Variants in CLPTM1L observed in about 807,000 individuals in gnomAD.
CLPTM1L encodes the protein lipid scramblase CLPTM1L.
A neutral mutation model predicts 70.9 loss-of-function variants in CLPTM1L; 38 were observed. That is an observed-to-expected ratio of 0.54 (90% CI 0.41 to 0.70). The LOEUF (loss-of-function observed/expected upper bound fraction) is 0.70. Ranked by LOEUF, CLPTM1L falls within the 30% of genes least tolerant of loss-of-function variation. The probability of loss-of-function intolerance (pLI) is 0.00; values close to 1 mark genes in which losing one functional copy is unlikely to be tolerated. For missense variants in CLPTM1L, 652 were observed against 705.9 expected (o/e 0.92, Z 0.87); for synonymous variants, 339 against 299.9 (o/e 1.13, Z -1.35).
chr5:1,326,007 A>G (rs58414558), intron 9 of CLPTM1L, 191 bp from the exon 10 acceptor site: 23,539 of 577,454 alleles, frequency 0.041, 2,054 homozygotes, highest in African/African-American at 0.27. Context: ...CACACACGGC[A>G]GGCGTACCTG....
chr5:1,324,041 C>T (rs146685033), intron 11 of CLPTM1L, 172 bp from the exon 12 acceptor site: 92 of 612,380 alleles, frequency 1.5e-4, no homozygotes, highest in Non-Finnish European at 2.4e-4. Flanking sequence ...ATCGCACACT[C>T]GCCACAGCCC....
At chr5:1,324,143 C>A (rs1752359850) in intron 11 of CLPTM1L, 3 of 482,590 alleles carry the variant, frequency 6.2e-6, no homozygotes, top group Non-Finnish European at 1.1e-5. Flanking sequence ...ACCAACCAAC[C>A]CACAACAGAT....
intron 7 of CLPTM1L, among the ~76,000 whole-genome samples, chr5:1,333,743 G>A (rs1753347133): frequency 8.1e-6 from 1 of 123,388 alleles, no homozygotes; most frequent in African/African-American, 2.9e-5. Context: ...ATGAGGATAA[G>A]GGGGGACTAC....
At chr5:1,323,027 C>G in intron 12 of CLPTM1L, 116 bp from the exon 13 acceptor site, 1 of 969,572 alleles carries the variant, frequency 1.0e-6, no homozygotes, top group South Asian at 1.4e-5. Flanking sequence ...GATGCTCTCA[C>G]GGCAGCTCGG....
chr5:1,337,173 T>C (rs1753625883), intron 5 of CLPTM1L, among the ~76,000 whole-genome samples: 2 of 152,124 alleles, frequency 1.3e-5, no homozygotes, highest in Admixed American at 6.6e-5. Flanking sequence ...AATAACCTCA[T>C]CCGTGAAACA....
Position 1,342,039 on chromosome 5 carries a change from T to TGTGTGTGTGTGTGTGTGCGC in CLPTM1L, c.264-180_264-179insGCGCACACACACACACACAC, listed in dbSNP as rs3222913. On this transcript the variant is annotated intron_variant, in intron 2 of 16. Transcript: ENST00000320895. The surrounding 1 kb of genome is among the most constrained non-coding windows in gnomAD (Gnocchi z 4.3). The stretch of plus-strand genomic sequence containing the variant: ...GTGTGTGTGTGTGTGTGTGTGTGTG[T>TGTGTGTGTGTGTGTGTGCGC]GCACGCGCACGCGTGCGCGTCCTGA... 5.4e-5 allele frequency among the ~76,000 whole-genome samples: 8 copies of TGTGTGTGTGTGTGTGTGCGC among 148,974 alleles called. No homozygotes were observed. The highest frequency in any genetic ancestry group is 2.0e-4 in the African/African-American group (8 of 39,662).
intron 16 of CLPTM1L, among the ~76,000 whole-genome samples, chr5:1,319,415 A>G (rs1301471337): frequency 6.6e-6 from 1 of 151,910 alleles, no homozygotes; most frequent in African/African-American, 2.4e-5. Context: ...GCCATGAGCC[A>G]CTGTGTGGAT....
chr5:1,338,297 C>G, intron 4 of CLPTM1L: 1 of 416,684 alleles, frequency 2.4e-6, no homozygotes, highest in Non-Finnish European at 4.4e-6. Flanking sequence ...CGCACTGACA[C>G]GGAGCAATCC....
In CLPTM1L at chr5:1,333,184, C is replaced by A. The variant is rs1404983004; in HGVS notation, c.891+1105G>T. Among the ~76,000 whole-genome samples, 155 of 63,158 alleles carry A rather than the reference C, an allele frequency of 2.5e-3. 1 individual carries two copies. Among genetic ancestry groups the A allele is most frequent in the Non-Finnish European group, 3.5e-3 (125 of 35,730 alleles). The allele number at this position is 63,158 out of a possible 152,430, so 41.4% of individuals were successfully genotyped here. The stretch of plus-strand genomic sequence containing the variant: ...GGATAAGGGGGGACTACTGTATACA[C>A]ACCGGATGAGGATAAGGGGGGACTA... On this transcript the variant is annotated intron_variant, in intron 7 of 16. Coordinates refer to ENST00000320895, the MANE Select transcript of CLPTM1L (RefSeq NM_030782.5).
rs1021924326 is a variant in CLPTM1L at position 1,318,516 on chromosome 5, G to A, written c.1533-63C>T. ...TGCAGGGGCTATTTTTCTAAGAGGA[G>A]GACTTGGCATCCTCGATTTATTTTC... On this transcript the variant is annotated intron_variant, in intron 16 of 16. Transcript: ENST00000320895. The surrounding 1 kb of genome is among the most constrained non-coding windows in gnomAD (Gnocchi z 8.9). 3.4e-5 allele frequency: 45 copies of A among 1,320,200 alleles called. No homozygotes were observed. Among genetic ancestry groups the A allele is most frequent in the Non-Finnish European group, 4.9e-5 (45 of 922,116 alleles). 81.8% of individuals were successfully genotyped at this position (1,320,200 alleles called of 1,614,324 possible).
intron 6 of CLPTM1L, 119 bp downstream of exon 6, chr5:1,334,938 C>A: frequency 1.5e-6 from 1 of 669,002 alleles, no homozygotes; most frequent in Non-Finnish European, 2.7e-6. Flanking sequence ...GATTCAACGT[C>A]TGTGCAAGGA....
chr5:1,339,090 G>A, intron 3 of CLPTM1L, 85 bp from the exon 4 acceptor site: 1 of 1,474,790 alleles, frequency 6.8e-7, no homozygotes, highest in Non-Finnish European at 9.1e-7. Flanking sequence ...CCTGCGAACA[G>A]AACGGCCACA....
Position 1,330,384 on chromosome 5 carries a change from C to T in CLPTM1L, c.977-1G>A. ...ACGGTGCTGAAGCAGCGCCAGAGCA[C>T]TGGGGACAGGATGGTCGGGCTGGGA... On this transcript the variant is annotated splice_acceptor_variant, in intron 8 of 16. Transcript: ENST00000320895. LOFTEE classifies it high-confidence loss of function. 1 of 1,612,626 alleles carries T rather than the reference C, an allele frequency of 6.2e-7. No individual in the cohort carries two copies. The highest frequency in any genetic ancestry group is 8.5e-7 in the Non-Finnish European group (1 of 1,179,786).
intron 12 of CLPTM1L, among the ~76,000 whole-genome samples, chr5:1,323,217 G>C (rs866903681): frequency 1.4e-5 from 2 of 145,336 alleles, no homozygotes; most frequent in Non-Finnish European, 3.0e-5. Flanking sequence ...CACCCTGCCC[G>C]GGCAGCAGAG....
chr5:1,334,125 C>G (rs796264421), intron 7 of CLPTM1L, among the ~76,000 whole-genome samples, 164 bp downstream of exon 7: 8 of 152,272 alleles, frequency 5.3e-5, no homozygotes, highest in African/African-American at 1.9e-4. Flanking sequence ...GGACAATGGT[C>G]GCCTGGTGTC....
intron 15 of CLPTM1L, among the ~76,000 whole-genome samples, chr5:1,321,195 C>T (rs1049170935): frequency 2.0e-5 from 3 of 152,258 alleles, no homozygotes; most frequent in African/African-American, 7.2e-5. Context: ...TCAGCTCCGC[C>T]TGCAATGCCG....
In CLPTM1L at chr5:1,344,464, G is replaced by A. The variant is rs775861218; in HGVS notation, c.163-13C>T. On this transcript the variant is annotated splice_polypyrimidine_tract_variant and intron_variant, in intron 1 of 16. Coordinates refer to ENST00000320895, the MANE Select transcript of CLPTM1L (RefSeq NM_030782.5). Reference sequence around the variant, plus strand: ...TGTACACGCTCAGCTGGAAAGGAGGGGGCGTCGAGAGTCAGCTCGGCCAGG... The same window carrying A: ...TGTACACGCTCAGCTGGAAAGGAGGAGGCGTCGAGAGTCAGCTCGGCCAGG... 4.3e-6 allele frequency: 7 copies of A among 1,609,476 alleles called. No homozygotes were observed. In the African/African-American group the frequency reaches 9.4e-5, roughly 22 times the overall value.
Position 1,318,356 on chromosome 5 carries a change from G to C in CLPTM1L, c.*13C>G. On this transcript the variant is annotated 3_prime_UTR_variant, in exon 17 of 17. Coordinates refer to ENST00000320895, the MANE Select transcript of CLPTM1L (RefSeq NM_030782.5). The surrounding 1 kb of genome is among the most constrained non-coding windows in gnomAD (Gnocchi z 8.9). ...TTCAAGTTGCACTTGGCTGGCGGCA[G>C]CCCGGGCGGCCTTCAGTCCGTGTGG... 1 of 1,610,384 alleles carries C rather than the reference G, an allele frequency of 6.2e-7. No homozygotes were observed. The highest frequency in any genetic ancestry group is 8.5e-7 in the Non-Finnish European group (1 of 1,177,374).
At chr5:1,326,035 G>C in intron 9 of CLPTM1L, 2 of 555,740 alleles carry the variant, frequency 3.6e-6, no homozygotes, top group South Asian at 2.6e-5. Context: ...GGGCTGCACA[G>C]CCACCGCCCA....
Sources: allele counts gnomAD v4.1 joint callset (sites outside exome capture counted in the v4.1 genomes callset), GRCh38; gene constraint gnomAD v4.1.1; non-coding constraint Gnocchi (gnomAD v3.1); transcripts MANE v1.5; gene names NCBI Gene and HGNC (gene_info 2026-07-23, HGNC 2026-07-21).